STAMBPL1: variants seen among roughly 807,000 people sequenced by gnomAD.
The protein encoded by STAMBPL1 is AMSH-like protease.
Under a neutral mutation model 52.9 loss-of-function variants are expected in STAMBPL1, and 44 were observed. The ratio of observed to expected loss-of-function variants is 0.83; its 90% CI spans 0.65 to 1.07. The LOEUF is 1.07. Among genes scored for constraint, STAMBPL1 ranks in the 50% least tolerant of loss-of-function variants. The pLI is 0.00. For synonymous variants in STAMBPL1, 164 were observed against 177.3 expected (o/e 0.92, Z 0.60); for missense variants, 511 against 520.8 (o/e 0.98, Z 0.18).
intron 1 of STAMBPL1, chr10:88,901,179 C>G (rs929474256): frequency 2.6e-5 from 4 of 152,180 alleles, no homozygotes; most frequent in Admixed American, 2.6e-4. Flanking sequence ...TAAACACACT[C>G]AAGTGGAGAG....
chr10:88,912,721 C>A (rs1032826169), intron 5 of STAMBPL1: 5 of 162,556 alleles, frequency 3.1e-5, no homozygotes, highest in African/African-American at 1.2e-4. Flanking sequence ...GTTCAAATAA[C>A]CACATGTGGC....
At chr10:88,901,830 T>A in intron 2 of STAMBPL1, 92 bp downstream of exon 2, 1 of 1,310,196 alleles carries the variant, frequency 7.6e-7, no homozygotes, top group Admixed American at 1.9e-5. Context: ...ACAATTACTT[T>A]AAGAAGTTTA....
chr10:88,913,236 A>G lies in STAMBPL1; in HGVS notation c.556A>G (p.Lys186Glu), dbSNP rs1391110380. 1.1e-5 allele frequency: 17 copies of G among 1,613,750 alleles called. No individual in the cohort carries two copies. The highest frequency in any genetic ancestry group is 1.4e-5 in the Non-Finnish European group (17 of 1,179,846). The part of the protein sequence containing the change: ...QFLFFEDQLK[K>E]QELARGQMRS... ...TCTGTTTTTCGAAGATCAACTCAAGAAGCAAGAGTTAGCCCGAGGTCAAAT... is the reference window on the plus strand; with the variant it reads ...TCTGTTTTTCGAAGATCAACTCAAGGAGCAAGAGTTAGCCCGAGGTCAAAT... Residue 186 changes from lysine to glutamate, a missense_variant, in exon 6 of 11, where the codon AAG (lysine) becomes GAG (glutamate). Lys to Glu is a moderately conservative substitution (Grantham distance 56). Transcript: ENST00000371926.
At chr10:88,923,088 A>C in intron 10 of STAMBPL1, 80 bp from the exon 11 acceptor site, 1 of 963,638 alleles carries the variant, frequency 1.0e-6, no homozygotes, top group Non-Finnish European at 1.6e-6. Context: ...GGAAATCTAT[A>C]CTTCCTCCCT....
At position 88,910,857 on chromosome 10, in the gene STAMBPL1, T is replaced by G. The variant is rs57630520; in HGVS notation, c.325-59T>G. 966 of 1,234,522 alleles carry G rather than the reference T, an allele frequency of 7.8e-4. 3 individuals are homozygous for G. The African/African-American group carries it at 0.013, about 17-fold the overall frequency. 76.5% of individuals were successfully genotyped at this position (1,234,522 alleles called of 1,614,324 possible). On this transcript the variant is annotated intron_variant, in intron 4 of 10. Coordinates refer to ENST00000371926, the MANE Select transcript of STAMBPL1 (RefSeq NM_020799.4). ...CCAGCTGTTTTTCTTTCTCACCTGA[T>G]GATCTGAAAGAGTGTATTGAAAATC...
intron 1 of STAMBPL1, among the ~76,000 whole-genome samples, chr10:88,884,368 A>G (rs543399148): frequency 6.6e-6 from 1 of 152,258 alleles, no homozygotes; most frequent in Non-Finnish European, 1.5e-5. Context: ...GTGGGGGTGG[A>G]ATTTTGATTT....
chr10:88,891,100 G>A (rs1782585101), intron 1 of STAMBPL1, among the ~76,000 whole-genome samples: 1 of 152,062 alleles, frequency 6.6e-6, no homozygotes, highest in Non-Finnish European at 1.5e-5. Flanking sequence ...TCTGCCTAGC[G>A]GTCAAGAAAG....
chr10:88,897,881 C>A (rs1432704236), intron 1 of STAMBPL1, among the ~76,000 whole-genome samples: 1 of 152,194 alleles, frequency 6.6e-6, no homozygotes, highest in East Asian at 1.9e-4. Flanking sequence ...TAGTTAGCAT[C>A]TGTGGATCTC....
At chr10:88,914,220 G>T (rs1160869060) in intron 6 of STAMBPL1, among the ~76,000 whole-genome samples, 1 of 152,102 alleles carries the variant, frequency 6.6e-6, no homozygotes, top group Non-Finnish European at 1.5e-5. Context: ...ATTCTATGCA[G>T]CCTATGCATT....
At chr10:88,882,145 C>T (rs370065858) in intron 1 of STAMBPL1, 13 of 152,248 alleles carry the variant, frequency 8.5e-5, no homozygotes, top group African/African-American at 3.1e-4. Context: ...AAGTAAGCAC[C>T]AAAATTTAAA....
At chr10:88,889,276 A>C (rs544864797) in intron 1 of STAMBPL1, among the ~76,000 whole-genome samples, 1 of 152,330 alleles carries the variant, frequency 6.6e-6, no homozygotes, top group South Asian at 2.1e-4. Flanking sequence ...TTGCTTAGTC[A>C]ACAGGAATGC....
intron 1 of STAMBPL1, among the ~76,000 whole-genome samples, chr10:88,887,448 A>C (rs753841356): frequency 6.6e-6 from 1 of 152,208 alleles, no homozygotes; most frequent in Non-Finnish European, 1.5e-5. Flanking sequence ...TGATTCTCAA[A>C]CTAGGCTCAA....
At chr10:88,891,466 A>G (rs1214890525) in intron 1 of STAMBPL1, among the ~76,000 whole-genome samples, 1 of 152,244 alleles carries the variant, frequency 6.6e-6, no homozygotes, top group African/African-American at 2.4e-5. Flanking sequence ...TTCAAATGCT[A>G]AAATTAGTGG....
At chr10:88,911,048 T>C in intron 5 of STAMBPL1, 37 bp downstream of exon 5, 1 of 1,286,064 alleles carries the variant, frequency 7.8e-7, no homozygotes, top group Non-Finnish European at 1.1e-6. Context: ...ATGACTATTT[T>C]ATGTACAAGT....
At chr10:88,887,877 C>G (rs1006961503) in intron 1 of STAMBPL1, among the ~76,000 whole-genome samples, 1 of 152,162 alleles carries the variant, frequency 6.6e-6, no homozygotes, top group African/African-American at 2.4e-5. Context: ...CAGTAAACCA[C>G]CCTTTTGAGA....
intron 3 of STAMBPL1, 48 bp from the exon 4 acceptor site, chr10:88,908,654 G>T: frequency 6.8e-7 from 1 of 1,467,226 alleles, no homozygotes; most frequent in South Asian, 1.2e-5. Flanking sequence ...AAGCATTATT[G>T]AACTTTTGCT....
intron 3 of STAMBPL1, among the ~76,000 whole-genome samples, chr10:88,908,130 T>G (rs1365995527): frequency 6.6e-6 from 1 of 152,210 alleles, no homozygotes; most frequent in Non-Finnish European, 1.5e-5. Flanking sequence ...CTGTAGGAAT[T>G]TCCTTTCACT....
intron 1 of STAMBPL1, among the ~76,000 whole-genome samples, chr10:88,892,540 T>A (rs1564621950): frequency 6.6e-6 from 1 of 152,198 alleles, no homozygotes; most frequent in African/African-American, 2.4e-5. Flanking sequence ...AGATGACCAC[T>A]TGCTAACAAC....
At chr10:88,898,558 T>A (rs1336381955) in intron 1 of STAMBPL1, among the ~76,000 whole-genome samples, 1 of 152,240 alleles carries the variant, frequency 6.6e-6, no homozygotes, top group African/African-American at 2.4e-5. Flanking sequence ...GACTGACCAG[T>A]CTGTGAACTT....
Sources: allele counts gnomAD v4.1 joint callset (sites outside exome capture counted in the v4.1 genomes callset), GRCh38; gene constraint gnomAD v4.1.1; transcripts MANE v1.5; gene names NCBI Gene and HGNC (gene_info 2026-07-23, HGNC 2026-07-21).